Variants in LAMB4 observed in about 807,000 individuals in gnomAD.
The protein encoded by LAMB4 is laminin subunit beta-4.
In LAMB4, 196 loss-of-function variants were observed where a neutral mutation model predicts 199.2. The observed-to-expected ratio is 0.98, with a 90% CI of 0.88 to 1.11. LAMB4 has a LOEUF of 1.11. LAMB4 is among the 50% of genes least tolerant of loss of function. The pLI is 0.00. For synonymous variants in LAMB4, 744 were observed against 770.6 expected, an observed-to-expected ratio of 0.97 and a Z score of 0.57; for missense variants, 2,080 against 2,171.2, an observed-to-expected ratio of 0.96 and a Z score of 0.83.
At chr7:108,078,715 A>T (rs2036805641) in intron 15 of LAMB4, among the ~76,000 whole-genome samples, 1 of 152,214 alleles carries the variant, frequency 6.6e-6, no homozygotes, top group Admixed American at 6.5e-5. Context: ...CTTTATTCTG[A>T]AGCCTTACAA....
intron 1 of LAMB4, among the ~76,000 whole-genome samples, chr7:108,123,798 T>C (rs960720513): frequency 6.6e-6 from 1 of 152,222 alleles, no homozygotes; most frequent in South Asian, 2.1e-4. Flanking sequence ...TACTAACAAA[T>C]GCACTTTTAA....
At position 108,106,523 on chromosome 7, in the gene LAMB4, C is replaced by T. The variant is rs772313171; in HGVS notation, c.641G>A (p.Ser214Asn). Residue 214 changes from serine (S) to asparagine (N), a missense_variant, in exon 7 of 34, where the codon AGC becomes AAC. Physicochemically the swap from Ser to Asn is conservative, Grantham distance 46 (BLOSUM62 1). Coordinates refer to ENST00000388781, the MANE Select transcript of LAMB4 (RefSeq NM_007356.3). Reference protein sequence around the residue: ...DPSFEIENPYSPYIQDLVTLT... With the variant: ...DPSFEIENPYNPYIQDLVTLT... ...GGAATTCATACCTTGGATGTAGGGG[C>T]TATAAGGGTTTTCAATTTCAAAACT... 3.2e-6 allele frequency: 5 copies of T among 1,580,368 alleles called. No individual in the cohort carries two copies. The highest frequency in any genetic ancestry group is 3.5e-6 in the Non-Finnish European group (4 of 1,152,012).
At chr7:108,097,049 G>A (rs1463464046) in intron 11 of LAMB4, among the ~76,000 whole-genome samples, 1 of 151,504 alleles carries the variant, frequency 6.6e-6, no homozygotes, top group Non-Finnish European at 1.5e-5. Flanking sequence ...TAGTCAGAGA[G>A]TCAGAGAAAC....
chr7:108,124,105 C>G (rs2038696005), intron 1 of LAMB4, among the ~76,000 whole-genome samples: 1 of 152,084 alleles, frequency 6.6e-6, no homozygotes, highest in African/African-American at 2.4e-5. Flanking sequence ...GCCTCAGCCT[C>G]CTGGATTCAA....
Position 108,103,133 on chromosome 7 carries a change from T to C in LAMB4, c.1091A>G (p.His364Arg). 4 of 1,613,662 alleles carry C rather than the reference T, an allele frequency of 2.5e-6. No individual in the cohort carries two copies. Among genetic ancestry groups the C allele is most frequent in the Non-Finnish European group, 3.4e-6 (4 of 1,179,840 alleles). ...LSGGVCEDCQ[H>R]NTEGQHCDRC... ...GTCGCAGTGCTGCCCCTCAGTGTTGTGCTGGCAGTCTTCACACACGCCCCC... is the reference window on the plus strand; with the variant it reads ...GTCGCAGTGCTGCCCCTCAGTGTTGCGCTGGCAGTCTTCACACACGCCCCC... The change falls in exon 10 of 34, where the codon CAC (histidine) becomes CGC (arginine). Residue 364 changes from histidine (H) to arginine (R), a missense_variant. Transcript: ENST00000388781.
intron 16 of LAMB4, among the ~76,000 whole-genome samples, chr7:108,077,740 A>G (rs768528390): frequency 4.4e-4 from 67 of 152,198 alleles, no homozygotes; most frequent in Non-Finnish European, 8.5e-4. Flanking sequence ...AGGCAAAATC[A>G]GTGGCCTCAA....
Position 108,103,127 on chromosome 7 carries a change from G to T in LAMB4, c.1097C>A (p.Thr366Asn), listed in dbSNP as rs1425734716. The change falls in exon 10 of 34, where the codon ACT becomes AAT. Residue 366 changes from threonine to asparagine, a missense_variant. By Grantham distance (65) the Thr-to-Asn change is moderately conservative. Coordinates refer to ENST00000388781, the MANE Select transcript of LAMB4 (RefSeq NM_007356.3). The part of the protein sequence containing the change: ...GGVCEDCQHN[T>N]EGQHCDRCRP... ...GCAGCGGTCGCAGTGCTGCCCCTCAGTGTTGTGCTGGCAGTCTTCACACAC... is the reference window on the plus strand; with the variant it reads ...GCAGCGGTCGCAGTGCTGCCCCTCATTGTTGTGCTGGCAGTCTTCACACAC... 6.2e-7 allele frequency: 1 copy of T among 1,613,762 alleles called. No individual in the cohort carries two copies. Among genetic ancestry groups the T allele is most frequent in the African/African-American group, 1.3e-5 (1 of 75,044 alleles).
intron 33 of LAMB4, among the ~76,000 whole-genome samples, chr7:108,025,159 C>T (rs1237942588): frequency 2.6e-5 from 4 of 152,132 alleles, no homozygotes; most frequent in Admixed American, 1.3e-4. Flanking sequence ...GGGCATGTGC[C>T]GTGGCTGTTT....
intron 23 of LAMB4, among the ~76,000 whole-genome samples, chr7:108,060,376 G>A (rs919401918): frequency 3.3e-5 from 5 of 152,106 alleles, no homozygotes; most frequent in South Asian, 2.1e-4. Context: ...AGGTGGTCAC[G>A]TGGAGATCTA....
At chr7:108,035,811 T>A (rs758117106) in intron 30 of LAMB4, among the ~76,000 whole-genome samples, 19 of 152,156 alleles carry the variant, frequency 1.2e-4, no homozygotes, top group African/African-American at 4.6e-4. Context: ...GCATTACCAT[T>A]GCAATATAAG....
intron 28 of LAMB4, among the ~76,000 whole-genome samples, chr7:108,044,608 AAATT>A (rs1387153656): frequency 1.3e-5 from 2 of 152,248 alleles, no homozygotes; most frequent in African/African-American, 4.8e-5. Flanking sequence ...TTTATTGAAT[AAATT>A]AATTGTGACA....
the LAMB4 span, among the ~76,000 whole-genome samples, chr7:108,017,452 GA>G: frequency 6.6e-6 from 1 of 152,190 alleles, no homozygotes; most frequent in Non-Finnish European, 1.5e-5. Context: ...CAAAACAGGG[GA>G]CTGTCTTCTC....
At chr7:108,070,983 G>A (rs1037175530) in intron 17 of LAMB4, among the ~76,000 whole-genome samples, 4 of 152,102 alleles carry the variant, frequency 2.6e-5, no homozygotes, top group Non-Finnish European at 2.9e-5. Context: ...CCACCCATCC[G>A]GAACATTTAG....
chr7:108,036,046 CGGGTTT>C (rs1191824871), intron 30 of LAMB4, among the ~76,000 whole-genome samples: 15 of 151,770 alleles, frequency 9.9e-5, no homozygotes, highest in Non-Finnish European at 2.2e-4. Flanking sequence ...TTAGTAGAGA[CGGGTTT>C]TCACCATGTT....
In LAMB4 at chr7:108,049,365, C is replaced by T. The variant is rs774130331; in HGVS notation, c.4083G>A (p.Lys1361=). The T allele has an allele frequency of 5.1e-6, 8 of 1,584,086 alleles. No homozygotes were observed. In the African/African-American group the frequency reaches 1.1e-4, roughly 22 times the overall value. ...SKGNLSLERL[K]QIKIPDIQIL... ...TTTGGATATCTGGTATCTTAATCTG[C>T]TTTAATCTTTCCAATGACAAGTTTC... Residue 1361 remains lysine (K), a synonymous_variant, in exon 27 of 34, where the codon AAG becomes AAA. Transcript: ENST00000388781.
chr7:108,119,023 A>C (rs1584789626), intron 2 of LAMB4, among the ~76,000 whole-genome samples: 1 of 152,366 alleles, frequency 6.6e-6, no homozygotes, highest in East Asian at 1.9e-4. Flanking sequence ...CAGATGGCAA[A>C]TAAACACATG....
the LAMB4 span, among the ~76,000 whole-genome samples, chr7:108,014,262 T>A: frequency 6.6e-6 from 1 of 152,066 alleles, no homozygotes; most frequent in Non-Finnish European, 1.5e-5. Flanking sequence ...CTGGGAAAAA[T>A]AAATCAAGCT....
rs144209988 is a variant in LAMB4 at position 108,109,213 on chromosome 7, T to C, written c.360A>G (p.Leu120=). The change falls in exon 5 of 34, where the codon TTA becomes TTG. Residue 120 remains leucine (L), a synonymous_variant. Transcript: ENST00000388781. ...GGTGGCTGAACCGAAATAATGCCTCTAAGTCCAGTCTGATGCTGACATGAT... is the reference window on the plus strand; with the variant it reads ...GGTGGCTGAACCGAAATAATGCCTCCAAGTCCAGTCTGATGCTGACATGAT... The part of the protein sequence containing the change: ...GLDHVSIRLD[L]EALFRFSHLI... 6.2e-7 allele frequency: 1 copy of C among 1,613,664 alleles called. No individual in the cohort carries two copies. Among genetic ancestry groups the C allele is most frequent in the African/African-American group, 1.3e-5 (1 of 75,054 alleles).
In LAMB4 at chr7:108,088,922, T is replaced by G. The variant is rs576874425; in HGVS notation, c.1701+2704A>C. On this transcript the variant is annotated intron_variant, in intron 14 of 33. Transcript: ENST00000388781. ...GTGTTTAGAGTTCCCAGCTAAGGAATCTGGGAGTAGCCAACCTGGAGATTC... is the reference window on the plus strand; with the variant it reads ...GTGTTTAGAGTTCCCAGCTAAGGAAGCTGGGAGTAGCCAACCTGGAGATTC... 2.0e-4 allele frequency among the ~76,000 whole-genome samples: 30 copies of G among 152,276 alleles called. No individual in the cohort carries two copies. The South Asian group carries it at 4.6e-3, about 23-fold the overall frequency.
Sources: allele counts gnomAD v4.1 joint callset (sites outside exome capture counted in the v4.1 genomes callset), GRCh38; gene constraint gnomAD v4.1.1; transcripts MANE v1.5; gene names NCBI Gene and HGNC (gene_info 2026-07-23, HGNC 2026-07-21).